PICK1: variants seen among roughly 807,000 people sequenced by gnomAD.
PICK1 encodes PRKCA-binding protein.
In PICK1, 23 loss-of-function variants were observed where a neutral mutation model predicts 48.9. That is an observed-to-expected ratio of 0.47 (90% confidence interval 0.34 to 0.67). The LOEUF is 0.67. Among genes scored for constraint, PICK1 ranks in the 30% least tolerant of loss-of-function variants. The pLI is 0.01. For synonymous variants in PICK1, 217 were observed against 228.2 expected (o/e 0.95, Z 0.44); for missense variants, 423 against 557.1 (o/e 0.76, Z 2.42).
chr22:38,061,585 C>T (rs2085404259), intron 3 of PICK1, among the ~76,000 whole-genome samples: 1 of 152,176 alleles, frequency 6.6e-6, no homozygotes, highest in Non-Finnish European at 1.5e-5. Flanking sequence ...GTGGTGCAAG[C>T]ATGGGTCACT....
At position 38,074,846 on chromosome 22, in the gene PICK1, C is replaced by T. The variant is rs1410852413; in HGVS notation, c.980-18C>T. 1.9e-6 allele frequency: 3 copies of T among 1,608,646 alleles called. No individual in the cohort carries two copies. Among genetic ancestry groups the T allele is most frequent in the Non-Finnish European group, 2.5e-6 (3 of 1,179,870 alleles). On this transcript the variant is annotated intron_variant, in intron 12 of 12. Coordinates refer to ENST00000356976, the MANE Select transcript of PICK1 (RefSeq NM_012407.4). The surrounding 1 kb of genome is among the most constrained non-coding windows in gnomAD (Gnocchi z 4.5). ...AGCCAGAGCCCACTGCAGCCTGTCCCCCGACCTCCCACCCCAGTCCAGGAC... is the reference window on the plus strand; with the variant it reads ...AGCCAGAGCCCACTGCAGCCTGTCCTCCGACCTCCCACCCCAGTCCAGGAC...
chr22:38,073,260 C>T lies in PICK1; in HGVS notation c.783+168C>T, dbSNP rs1381511271. Among the ~76,000 whole-genome samples the T allele has an allele frequency of 6.6e-6, 1 of 152,244 alleles. No individual in the cohort carries two copies. On this transcript the variant is annotated intron_variant, in intron 10 of 12. Coordinates refer to ENST00000356976, the MANE Select transcript of PICK1 (RefSeq NM_012407.4). This position sits in a 1 kb window ranked among gnomAD's most constrained non-coding sequence, Gnocchi z 5.7. ...AGGTGCAGCCAAAGCCCTGCTGCGC[C>T]TGCACAAAGAAGCATCTGAGAGCCT...
chr22:38,073,008 G>A lies in PICK1; in HGVS notation c.699G>A (p.Thr233=), dbSNP rs1243535353. The A allele has an allele frequency of 4.3e-6, 7 of 1,612,384 alleles. No homozygotes were observed. Among genetic ancestry groups the A allele is most frequent in the Admixed American group, 1.7e-5 (1 of 60,002 alleles). Residue 233 remains threonine, a synonymous_variant, in exon 10 of 13, where the codon ACG becomes ACA. Transcript: ENST00000356976. This position sits in a 1 kb window ranked among gnomAD's most constrained non-coding sequence, Gnocchi z 5.7. ...RLLKTIKPML[T]DLNTYLNKAI... ...CACCCACCCTCTTCCAGATGCTGACGGATCTGAACACGTACCTCAACAAAG... is the reference window on the plus strand; with the variant it reads ...CACCCACCCTCTTCCAGATGCTGACAGATCTGAACACGTACCTCAACAAAG...
Position 38,074,412 on chromosome 22 carries a change from G to A in PICK1, c.940G>A (p.Asp314Asn). The change falls in exon 12 of 13, where the codon GAT (aspartate) becomes AAT (asparagine). Residue 314 changes from aspartate to asparagine, a missense_variant. Asp to Asn is a conservative substitution (Grantham distance 23, BLOSUM62 1). Transcript: ENST00000356976. This position sits in a 1 kb window ranked among gnomAD's most constrained non-coding sequence, Gnocchi z 4.5. ...CGCCCGCTTCTCCCAGATGCGCAAG[G>A]ATGTGCTGGAGAAGATGGAGCTGCT... ...ARARFSQMRK[D>N]VLEKMELLDQ... is the part of the protein sequence containing the mutation. 1.2e-6 allele frequency: 2 copies of A among 1,613,172 alleles called. No individual in the cohort carries two copies. Among genetic ancestry groups the A allele is most frequent in the South Asian group, 1.1e-5 (1 of 91,084 alleles).
Position 38,064,996 on chromosome 22 carries a change from C to G in PICK1, c.154-6C>G. Reference sequence around the variant, plus strand: ...TTCCCCCACCACTCTCCTTATGCACCCACAGGTATTTGACAACACCCCAGC... The same window carrying G: ...TTCCCCCACCACTCTCCTTATGCACGCACAGGTATTTGACAACACCCCAGC... On this transcript the variant is annotated splice_region_variant and splice_polypyrimidine_tract_variant and intron_variant, in intron 3 of 12. Transcript: ENST00000356976. 6.2e-7 allele frequency: 1 copy of G among 1,613,968 alleles called. No homozygotes were observed. The highest frequency in any genetic ancestry group is 8.5e-7 in the Non-Finnish European group (1 of 1,179,956).
intron 9 of PICK1, 26 bp from the exon 10 acceptor site, chr22:38,072,974 C>T: frequency 7.2e-6 from 11 of 1,521,312 alleles, no homozygotes; most frequent in Non-Finnish European, 1.0e-5. Flanking sequence ...CCGTGACAGC[C>T]TCAGCATCCA....
intron 3 of PICK1, among the ~76,000 whole-genome samples, chr22:38,061,801 G>C (rs776314774): frequency 2.8e-4 from 42 of 152,170 alleles, no homozygotes; most frequent in Non-Finnish European, 5.3e-4. Context: ...GATTACAGGC[G>C]TGAGCCACCG....
At chr22:38,072,716 T>C (rs900958179) in intron 9 of PICK1, 106 bp downstream of exon 9, 2 of 1,476,294 alleles carry the variant, frequency 1.4e-6, no homozygotes, top group Non-Finnish European at 1.9e-6. Flanking sequence ...GGGTACAGCC[T>C]CTGGCTCAGT....
intron 3 of PICK1, among the ~76,000 whole-genome samples, chr22:38,061,022 T>C (rs2085387871): frequency 6.6e-6 from 1 of 151,972 alleles, no homozygotes; most frequent in Admixed American, 6.6e-5. Flanking sequence ...GTGCTAGGAT[T>C]ACAGGCATGA....
chr22:38,063,626 T>C (rs1416924182), intron 3 of PICK1, among the ~76,000 whole-genome samples: 1 of 151,832 alleles, frequency 6.6e-6, no homozygotes, highest in East Asian at 1.9e-4. Flanking sequence ...GCCTTTCTTT[T>C]CTTCTCTTCT....
At position 38,072,491 on chromosome 22, in the gene PICK1, T is replaced by C; in HGVS notation, c.571T>C (p.Phe191Leu). The change falls in exon 9 of 13, where the codon TTC becomes CTC. Residue 191 changes from phenylalanine (F) to leucine (L), a missense_variant. By Grantham distance (22) the Phe-to-Leu change is conservative. This residue lies in a region of PICK1 where 279 missense variants were observed against 417.8 expected (regional missense o/e 0.67). Transcript: ENST00000356976. ...TTGTCCTGCAGCCTTTGGGGACGTG[T>C]TCTCCGTGATCGGGGTGCGGGAGCC... ...SQTHRAFGDV[F>L]SVIGVREPQP... 1.2e-6 allele frequency: 2 copies of C among 1,613,382 alleles called. No individual in the cohort carries two copies. The highest frequency in any genetic ancestry group is 1.7e-6 in the Non-Finnish European group (2 of 1,180,024).
rs1324512655 is a variant in PICK1 at position 38,057,447 on chromosome 22, G to C, written c.-198G>C. ...CAGGTGGAACGGCAGGTGGGTTCAG[G>C]TACCAGCCTGGCCGGGACCCGGCTG... On this transcript the variant is annotated 5_prime_UTR_variant, in exon 1 of 13. Transcript: ENST00000356976. 2 of 327,648 alleles carry C rather than the reference G, an allele frequency of 6.1e-6. No individual in the cohort carries two copies. Among genetic ancestry groups the C allele is most frequent in the Non-Finnish European group, 1.2e-5 (2 of 173,820 alleles). 20.3% of individuals were successfully genotyped at this position (327,648 alleles called of 1,614,324 possible).
chr22:38,074,527 G>A lies in PICK1; in HGVS notation c.979+76G>A. The A allele has an allele frequency of 2.5e-6, 4 of 1,574,026 alleles. No homozygotes were observed. Among genetic ancestry groups the A allele is most frequent in the Non-Finnish European group, 3.5e-6 (4 of 1,155,328 alleles). On this transcript the variant is annotated intron_variant, in intron 12 of 12. Coordinates refer to ENST00000356976, the MANE Select transcript of PICK1 (RefSeq NM_012407.4). This position sits in a 1 kb window ranked among gnomAD's most constrained non-coding sequence, Gnocchi z 4.5. ...CTGAGGCCCAGAGGGGTACTCTCAG[G>A]GCCAGGCCACGGCCCAGATGTAAAG...
intron 5 of PICK1, 74 bp downstream of exon 5, chr22:38,067,844 C>A: frequency 8.2e-7 from 1 of 1,212,528 alleles, no homozygotes; most frequent in Non-Finnish European, 1.2e-6. Context: ...AGAAGTGCCA[C>A]AGCCAGCCCT....
intron 4 of PICK1, among the ~76,000 whole-genome samples, chr22:38,065,621 G>C (rs2085506045): frequency 6.6e-6 from 1 of 152,126 alleles, no homozygotes; most frequent in Non-Finnish European, 1.5e-5. Flanking sequence ...TAGACACCCA[G>C]AGACCCCCCT....
chr22:38,070,083 C>T (rs557868749), intron 6 of PICK1, among the ~76,000 whole-genome samples: 9 of 152,324 alleles, frequency 5.9e-5, no homozygotes, highest in Non-Finnish European at 1.3e-4. Context: ...GAATTGCTCC[C>T]TTCCTTCCCC....
rs199868329 is a variant in PICK1 at position 38,071,741 on chromosome 22, C to T, written c.553C>T (p.Arg185Trp). The T allele has an allele frequency of 1.4e-5, 22 of 1,612,750 alleles. No homozygotes were observed. Among genetic ancestry groups the T allele is most frequent in the East Asian group, 4.5e-5 (2 of 44,874 alleles). Residue 185 changes from arginine (R) to tryptophan (W), a missense_variant, in exon 8 of 13, where the codon CGG becomes TGG. Arg to Trp is a moderately radical substitution (Grantham distance 101, BLOSUM62 -3). Around this residue, in one of 2 missense-constraint regions of PICK1, gnomAD observed 279 missense variants for 417.8 expected, o/e 0.67. Transcript: ENST00000356976. ...CTTTTATGAGCTGTCGCAGACTCACCGGGGTAATGGCATCCCCCAAAGCTG... is the reference window on the plus strand; with the variant it reads ...CTTTTATGAGCTGTCGCAGACTCACTGGGGTAATGGCATCCCCCAAAGCTG... ...RAFYELSQTH[R>W]AFGDVFSVIG...
In PICK1 at chr22:38,057,799, C is replaced by T. The variant is rs1382050052; in HGVS notation, c.-11C>T. The T allele has an allele frequency of 4.3e-6, 7 of 1,613,628 alleles. No homozygotes were observed. The highest frequency in any genetic ancestry group is 1.6e-4 in the Middle Eastern group (1 of 6,062). ...TGGGCAGTTAGCCAGCCCACTCCAA[C>T]TCTCGGAACCATGTTTGCAGACTTG... On this transcript the variant is annotated 5_prime_UTR_variant, in exon 2 of 13. Transcript: ENST00000356976.
At chr22:38,065,626 C>T (rs1276273736) in intron 4 of PICK1, among the ~76,000 whole-genome samples, 1 of 152,160 alleles carries the variant, frequency 6.6e-6, no homozygotes, top group East Asian at 1.9e-4. Flanking sequence ...ACCCAGAGAC[C>T]CCCCTCCCAG....
Sources: gnomAD v4.1 joint callset for allele counts (sites outside exome capture counted in the v4.1 genomes callset) on GRCh38, gnomAD v4.1.1 for gene constraint, gnomAD v4.1.1 regional missense constraint, Gnocchi (gnomAD v3.1) non-coding constraint, MANE v1.5 for transcripts, NCBI Gene and HGNC (gene_info 2026-07-23, HGNC 2026-07-21) for gene names.